The following HERC3 variants were observed in gnomAD, a reference collection of about 807,000 sequenced individuals.
HERC3 encodes probable E3 ubiquitin-protein ligase HERC3.
HERC3 carries 58 observed loss-of-function variants against 129.9 expected under a neutral mutation model. That is an observed-to-expected ratio of 0.45 (90% confidence interval 0.36 to 0.56). HERC3 has a LOEUF of 0.56. Among genes scored for constraint, HERC3 ranks in the 20% least tolerant of loss-of-function variants. The pLI, the probability that HERC3 is intolerant of heterozygous loss-of-function variation, is 0.00. For synonymous variants in HERC3, 430 were observed against 451.0 expected, an observed-to-expected ratio of 0.95 and a Z score of 0.59; for missense variants, 835 against 1,244.2, an observed-to-expected ratio of 0.67 and a Z score of 4.95.
chr4:88,577,597 A>ATG, the HERC3 span, among the ~76,000 whole-genome samples: 2 of 130,578 alleles, frequency 1.5e-5, no homozygotes, highest in African/African-American at 7.1e-5. Context: ...ATATGTGTGT[A>ATG]TGTGTGTGTA....
chr4:88,599,153 C>T (rs1722717524), intron 2 of HERC3, among the ~76,000 whole-genome samples: 1 of 152,178 alleles, frequency 6.6e-6, no homozygotes. Flanking sequence ...ACATCAGCAG[C>T]TACAAGATTT....
At chr4:88,653,551 G>A (rs1173169161) in intron 6 of HERC3, among the ~76,000 whole-genome samples, 2 of 152,228 alleles carry the variant, frequency 1.3e-5, no homozygotes, top group Non-Finnish European at 2.9e-5. Context: ...GAGGGGCAGG[G>A]TGAGGATATA....
At chr4:88,568,768 G>T in the HERC3 span, among the ~76,000 whole-genome samples, 1 of 151,616 alleles carries the variant, frequency 6.6e-6, no homozygotes, top group Non-Finnish European at 1.5e-5. Flanking sequence ...GGGAGCTAGT[G>T]CCTGGAATGG....
chr4:88,594,063 C>T (rs1321514517), intron 1 of HERC3, among the ~76,000 whole-genome samples: 1 of 152,180 alleles, frequency 6.6e-6, no homozygotes, highest in East Asian at 1.9e-4. Flanking sequence ...ACCTCTTTGG[C>T]AGAACTCCTT....
the HERC3 span, among the ~76,000 whole-genome samples, chr4:88,586,361 C>CTTT: frequency 8.0e-6 from 1 of 125,006 alleles, no homozygotes; most frequent in South Asian, 2.5e-4. Context: ...TTTTTTCTTT[C>CTTT]TTTTTTTTTT....
the HERC3 span, among the ~76,000 whole-genome samples, chr4:88,526,567 C>T: frequency 6.6e-6 from 1 of 152,168 alleles, no homozygotes; most frequent in African/African-American, 2.4e-5. Context: ...GACAGATTCT[C>T]TCTGTGTCAT....
At chr4:88,606,277 G>C (rs558370965) in intron 3 of HERC3, among the ~76,000 whole-genome samples, 115 of 145,242 alleles carry the variant, frequency 7.9e-4, no homozygotes, top group African/African-American at 2.8e-3. Flanking sequence ...TTTGAGATAT[G>C]GTCTCGCTCC....
intron 3 of HERC3, among the ~76,000 whole-genome samples, chr4:88,638,111 C>T (rs1245841195): frequency 2.0e-5 from 3 of 152,136 alleles, no homozygotes; most frequent in Non-Finnish European, 4.4e-5. Context: ...ACCCTACTAA[C>T]TAAACAAAGT....
rs767194853 is a variant in HERC3, at chr4:88,687,285, G to A, written c.2643G>A (p.Val881=). The A allele has an allele frequency of 2.3e-5, 37 of 1,611,142 alleles. No individual in the cohort carries two copies. The highest frequency in any genetic ancestry group is 1.8e-4 in the Admixed American group (11 of 59,942). Residue 881 remains valine, a synonymous_variant, in exon 23 of 26, where the codon GTG becomes GTA. Coordinates refer to ENST00000402738, the MANE Select transcript of HERC3 (RefSeq NM_014606.3). ...TACCTGGGGGAGATAATGTAACTGT[G>A]TGCAAGGATAACAGGTTAGTCCTGA... ...KLIPGGDNVT[V]CKDNRQEFVD...
chr4:88,680,275 T>C, intron 20 of HERC3, 39 bp downstream of exon 20: 1 of 1,505,988 alleles, frequency 6.6e-7, no homozygotes, highest in Non-Finnish European at 8.9e-7. Flanking sequence ...ATGGATTAAA[T>C]TAAACTTTCT....
chr4:88,637,012 C>T (rs1281571473), intron 3 of HERC3, among the ~76,000 whole-genome samples: 1 of 152,074 alleles, frequency 6.6e-6, no homozygotes, highest in African/African-American at 2.4e-5. Flanking sequence ...GCCTGTAGTC[C>T]CAGCTACTCG....
chr4:88,608,799 C>T (rs1056409593), intron 3 of HERC3, among the ~76,000 whole-genome samples: 3 of 152,200 alleles, frequency 2.0e-5, no homozygotes, highest in Non-Finnish European at 4.4e-5. Flanking sequence ...CATGGCCCAA[C>T]AGTCTACATT....
intron 3 of HERC3, among the ~76,000 whole-genome samples, chr4:88,642,430 T>C (rs929343425): frequency 6.6e-6 from 1 of 152,228 alleles, no homozygotes; most frequent in African/African-American, 2.4e-5. Flanking sequence ...ACAAATCTTA[T>C]AGCTATGTCA....
intron 3 of HERC3, among the ~76,000 whole-genome samples, chr4:88,647,331 A>G (rs1728800576): frequency 6.6e-6 from 1 of 152,220 alleles, no homozygotes; most frequent in Non-Finnish European, 1.5e-5. Context: ...ACATTCAGAC[A>G]GGTAAGGCTG....
At chr4:88,528,537 C>A in the HERC3 span, among the ~76,000 whole-genome samples, 1 of 152,086 alleles carries the variant, frequency 6.6e-6, no homozygotes, top group Non-Finnish European at 1.5e-5. Context: ...AGTCTCTGGC[C>A]TCTGTGTCAT....
At chr4:88,661,033 A>G (rs1053292823) in intron 10 of HERC3, among the ~76,000 whole-genome samples, 3 of 152,226 alleles carry the variant, frequency 2.0e-5, no homozygotes, top group Admixed American at 2.0e-4. Flanking sequence ...CTGAACTTGT[A>G]CTTCACCCAA....
upstream of HERC3, among the ~76,000 whole-genome samples, chr4:88,587,623 C>G (rs73844013): frequency 1.2e-3 from 183 of 152,316 alleles, 1 homozygote; most frequent in African/African-American, 4.0e-3. Context: ...TTCACTTTAG[C>G]TTTTCTAGGA....
In HERC3 at chr4:88,668,090, G is replaced by A. The variant is rs776205631; in HGVS notation, c.1633+9G>A. ...CCCCAGCAAAGTACTAGGTGAATTTGCTAACCTCGATATCAGTGGTTTTAT... is the reference window on the plus strand; with the variant it reads ...CCCCAGCAAAGTACTAGGTGAATTTACTAACCTCGATATCAGTGGTTTTAT... On this transcript the variant is annotated intron_variant, in intron 14 of 25. Coordinates refer to ENST00000402738, the MANE Select transcript of HERC3 (RefSeq NM_014606.3). 1.5e-5 allele frequency: 24 copies of A among 1,608,698 alleles called. No homozygotes were observed. The Admixed American group carries it at 2.0e-4, about 13-fold the overall frequency.
At chr4:88,690,418 G>A (rs998782772) in intron 23 of HERC3, 12 of 984,920 alleles carry the variant, frequency 1.2e-5, no homozygotes, top group African/African-American at 8.7e-5. Context: ...AGATACATAC[G>A]TAACCTTTAG....
Sources: gnomAD v4.1 joint callset for allele counts (sites outside exome capture counted in the v4.1 genomes callset) on GRCh38, gnomAD v4.1.1 for gene constraint, MANE v1.5 for transcripts, NCBI Gene and HGNC (gene_info 2026-07-23, HGNC 2026-07-21) for gene names.